ARSB: variants seen among roughly 807,000 people sequenced by gnomAD.
ARSB encodes the protein arylsulfatase B.
Under a neutral mutation model 50.9 loss-of-function variants are expected in ARSB, and 41 were observed. The ratio of observed to expected loss-of-function variants is 0.81; its 90% confidence interval spans 0.63 to 1.04. ARSB has a LOEUF of 1.04. Ranked by LOEUF, ARSB falls within the 50% of genes least tolerant of loss-of-function variation. The pLI is 0.00. For missense variants in ARSB, 672 were observed against 693.3 expected, an observed-to-expected ratio of 0.97 and a Z score of 0.35; for synonymous variants, 269 against 284.8, an observed-to-expected ratio of 0.94 and a Z score of 0.56.
intron 5 of ARSB, chr5:78,885,344 G>A: frequency 3.5e-6 from 2 of 569,658 alleles, no homozygotes; most frequent in Middle Eastern, 4.9e-4. Flanking sequence ...GACCTTCCAT[G>A]GAGGGCGATG....
At position 78,969,015 on chromosome 5, in the gene ARSB, T is replaced by C; in HGVS notation, c.490A>G (p.Thr164Ala). Residue 164 changes from threonine to alanine, a missense_variant, in exon 2 of 8, where the codon ACC becomes GCC. By Grantham distance (58) the Thr-to-Ala change is moderately conservative (BLOSUM62 0). Transcript: ENST00000264914. Reference protein sequence around the residue: ...ECLPTRRGFDTYFGYLLGSED... With the variant: ...ECLPTRRGFDAYFGYLLGSED... The stretch of plus-strand genomic sequence containing the variant: ...TGTGCATTTCCATTACCAAAGTAGG[T>C]ATCAAATCCTCGGCGGGTTGGAAGG... The C allele has an allele frequency of 1.2e-6, 2 of 1,614,158 alleles. No homozygotes were observed. The highest frequency in any genetic ancestry group is 1.3e-5 in the African/African-American group (1 of 75,042).
At chr5:78,923,682 A>G (rs1749926046) in intron 4 of ARSB, among the ~76,000 whole-genome samples, 2 of 152,224 alleles carry the variant, frequency 1.3e-5, no homozygotes, top group South Asian at 2.1e-4. Flanking sequence ...CTGCCATTCA[A>G]TAGTTTTAAG....
intron 2 of ARSB, among the ~76,000 whole-genome samples, chr5:78,968,510 G>A (rs545456123): frequency 3.3e-5 from 5 of 151,700 alleles, no homozygotes; most frequent in African/African-American, 4.8e-5. Flanking sequence ...CACCATGCCC[G>A]GTTAATTTTT....
intron 2 of ARSB, 127 bp downstream of exon 2, chr5:78,968,879 T>A: frequency 9.0e-7 from 1 of 1,107,660 alleles, no homozygotes; most frequent in Non-Finnish European, 1.4e-6. Flanking sequence ...AGCAGCCCCA[T>A]TACAGTGCCG....
intron 6 of ARSB, among the ~76,000 whole-genome samples, chr5:78,795,648 T>C (rs1237278906): frequency 1.3e-5 from 2 of 152,168 alleles, no homozygotes; most frequent in Non-Finnish European, 2.9e-5. Context: ...GAGAAATTCT[T>C]ACAACACGAA....
chr5:78,912,180 C>T (rs147891848), intron 4 of ARSB, among the ~76,000 whole-genome samples: 107 of 152,212 alleles, frequency 7.0e-4, no homozygotes, highest in African/African-American at 2.5e-3. Context: ...TGGTTACTGA[C>T]GTTATTGTAG....
chr5:78,939,602 G>T (rs6898498), intron 4 of ARSB, among the ~76,000 whole-genome samples: 1,595 of 152,186 alleles, frequency 0.01, 27 homozygotes, highest in African/African-American at 0.036. Context: ...TCCCTATAAA[G>T]GACATGAACT....
chr5:78,903,198 C>T (rs1408102695), intron 4 of ARSB, among the ~76,000 whole-genome samples: 1 of 152,170 alleles, frequency 6.6e-6, no homozygotes, highest in Admixed American at 6.5e-5. Flanking sequence ...CTGGGGAGAT[C>T]TCATTGCAAG....
At chr5:78,887,401 T>C (rs1748089385) in intron 4 of ARSB, among the ~76,000 whole-genome samples, 1 of 152,268 alleles carries the variant, frequency 6.6e-6, no homozygotes, top group Middle Eastern at 3.4e-3. Flanking sequence ...GATCTATTCA[T>C]GAGGAACCCG....
rs899264957 is a variant in ARSB at position 78,814,025 on chromosome 5, A to G, written c.1213+25331T>C. 2.0e-5 allele frequency among the ~76,000 whole-genome samples: 3 copies of G among 151,564 alleles called. 1 individual carries two copies. The highest frequency in any genetic ancestry group is 7.3e-5 in the African/African-American group (3 of 41,098). On this transcript the variant is annotated intron_variant, in intron 6 of 7. Transcript: ENST00000264914. ...GATAATAATCCATTTGGAAAGAATGAGCTCCAAATATGGATTTTATGAGTA... is the reference window on the plus strand; with the variant it reads ...GATAATAATCCATTTGGAAAGAATGGGCTCCAAATATGGATTTTATGAGTA...
At chr5:78,936,626 G>C (rs535229890) in intron 4 of ARSB, among the ~76,000 whole-genome samples, 1 of 152,234 alleles carries the variant, frequency 6.6e-6, no homozygotes, top group Middle Eastern at 3.4e-3. Flanking sequence ...ATTTCTCAAA[G>C]CCTGCAGGTC....
intron 5 of ARSB, among the ~76,000 whole-genome samples, chr5:78,865,877 A>C (rs902868972): frequency 9.9e-5 from 15 of 152,196 alleles, no homozygotes; most frequent in Admixed American, 9.2e-4. Flanking sequence ...AGTTCCCAAC[A>C]AGTGCCTCAT....
chr5:78,852,605 C>A (rs1049612625), intron 5 of ARSB, among the ~76,000 whole-genome samples: 3 of 152,082 alleles, frequency 2.0e-5, no homozygotes, highest in African/African-American at 7.2e-5. Flanking sequence ...TGTTGGCCTG[C>A]CTTGCTAGAT....
intron 4 of ARSB, among the ~76,000 whole-genome samples, chr5:78,915,384 A>G (rs1749502432): frequency 6.6e-6 from 1 of 152,210 alleles, no homozygotes; most frequent in African/African-American, 2.4e-5. Context: ...ATTCCAGGAA[A>G]AGACTATCTG....
At chr5:78,904,250 A>G (rs1207839507) in intron 4 of ARSB, among the ~76,000 whole-genome samples, 1 of 152,230 alleles carries the variant, frequency 6.6e-6, no homozygotes, top group East Asian at 1.9e-4. Context: ...GTTGAAGGAC[A>G]TTTGGGTTTT....
At chr5:78,971,937 C>A (rs1431622189) in intron 1 of ARSB, among the ~76,000 whole-genome samples, 1 of 152,228 alleles carries the variant, frequency 6.6e-6, no homozygotes, top group Non-Finnish European at 1.5e-5. Flanking sequence ...AAGTTTCCTA[C>A]TGAGATTGTT....
In ARSB at chr5:78,977,423, G is replaced by T. The variant is rs147576757; in HGVS notation, c.312+7514C>A. On this transcript the variant is annotated intron_variant, in intron 1 of 7. Coordinates refer to ENST00000264914, the MANE Select transcript of ARSB (RefSeq NM_000046.5). ...CCTGCCTCGGCCTCCCAAAGTGCTG[G>T]GATTACAGACGTGAGCCACCACGCC... Among the ~76,000 whole-genome samples the T allele has an allele frequency of 1.7e-4, 26 of 152,214 alleles. No homozygotes were observed. The East Asian group carries it at 3.9e-3, about 23-fold the overall frequency.
intron 6 of ARSB, among the ~76,000 whole-genome samples, chr5:78,832,805 G>T (rs796371049): frequency 6.6e-6 from 1 of 152,052 alleles, no homozygotes; most frequent in African/African-American, 2.4e-5. Flanking sequence ...GCCTTTGGTG[G>T]GGTGGAAAAT....
rs368964973 is a variant in ARSB at position 78,951,376 on chromosome 5, CAG to C, written c.898+3917_898+3918del. ...TGGAAGAAAAGGGTACTGATTGAAACAGAGACAGCATTGCAAAAAAACTAAAA... is the reference window on the plus strand; with the variant it reads ...TGGAAGAAAAGGGTACTGATTGAAACAGACAGCATTGCAAAAAAACTAAAA... On this transcript the variant is annotated intron_variant, in intron 4 of 7. Coordinates refer to ENST00000264914, the MANE Select transcript of ARSB (RefSeq NM_000046.5). Among the ~76,000 whole-genome samples the C allele has an allele frequency of 6.6e-3, 999 of 152,112 alleles. 5 individuals carry two copies. Among genetic ancestry groups the C allele is most frequent in the South Asian group, 0.029 (139 of 4,804 alleles).
Sources: gnomAD v4.1 joint callset for allele counts (sites outside exome capture counted in the v4.1 genomes callset) on GRCh38, gnomAD v4.1.1 for gene constraint, MANE v1.5 for transcripts, NCBI Gene and HGNC (gene_info 2026-07-23, HGNC 2026-07-21) for gene names.